GC: variants seen among roughly 807,000 people sequenced by gnomAD.
The protein encoded by GC is GC vitamin D binding protein, also known as vitamin D-binding protein.
In GC, 43 loss-of-function variants were observed where a neutral mutation model predicts 56.7. That is an observed-to-expected ratio of 0.76 (90% CI 0.59 to 0.98). GC has a LOEUF of 0.98. Among genes scored for constraint, GC ranks in the 50% least tolerant of loss-of-function variants. GC has a pLI of 0.00. For synonymous variants in GC, 216 were observed against 202.7 expected, an observed-to-expected ratio of 1.07 and a Z score of -0.56; for missense variants, 529 against 545.9, an observed-to-expected ratio of 0.97 and a Z score of 0.31.
intron 3 of GC, 47 bp from the exon 4 acceptor site, chr4:71,765,690 A>G: frequency 1.7e-6 from 2 of 1,178,294 alleles, no homozygotes; most frequent in Non-Finnish European, 2.5e-6. Context: ...GTAAATTTCC[A>G]GGCTTTTAGA....
At chr4:71,776,930 G>A (rs1742525528) in intron 1 of GC, among the ~76,000 whole-genome samples, 1 of 151,844 alleles carries the variant, frequency 6.6e-6, no homozygotes, top group African/African-American at 2.4e-5. Flanking sequence ...TATATTGGAT[G>A]TGTATCATTA....
At chr4:71,765,342 G>T (rs1373459593) in intron 4 of GC, 90 bp downstream of exon 4, 26 of 988,190 alleles carry the variant, frequency 2.6e-5, no homozygotes. Flanking sequence ...GGTTGCTGTA[G>T]AAGAGGTGTT....
chr4:71,750,896 CAAACAA>C (rs1164272296), intron 11 of GC, among the ~76,000 whole-genome samples: 4 of 4,384 alleles, frequency 9.1e-4, no homozygotes, highest in South Asian at 0.022. Context: ...AAAAAACAAA[CAAACAA>C]AAAAAAAACG....
At chr4:71,765,365 G>T (rs1349062599) in intron 4 of GC, 67 bp downstream of exon 4, 1 of 1,228,506 alleles carries the variant, frequency 8.1e-7, no homozygotes, top group African/African-American at 1.5e-5. Context: ...CACAGAGTAG[G>T]GGGTTAGATT....
chr4:71,748,936 G>A (rs1213118188), intron 11 of GC, among the ~76,000 whole-genome samples: 1 of 152,106 alleles, frequency 6.6e-6, no homozygotes, highest in Non-Finnish European at 1.5e-5. Flanking sequence ...TCAAGCAAAT[G>A]TATGACAAGG....
At chr4:71,764,011 C>T in intron 4 of GC, 75 bp from the exon 5 acceptor site, 1 of 1,160,752 alleles carries the variant, frequency 8.6e-7, no homozygotes, top group Non-Finnish European at 1.3e-6. Context: ...GAGACAGTGT[C>T]TTGCCCTGTC....
At chr4:71,792,132 G>T (rs1408390425) in intron 1 of GC, among the ~76,000 whole-genome samples, 1 of 152,180 alleles carries the variant, frequency 6.6e-6, no homozygotes, top group Non-Finnish European at 1.5e-5. Flanking sequence ...ACATATGTGT[G>T]CATGTGTCTT....
At chr4:71,784,987 CTGGTTTT>C (rs1336400510), upstream of GC, among the ~76,000 whole-genome samples, 1 of 151,638 alleles carries the variant, frequency 6.6e-6, no homozygotes, top group Non-Finnish European at 1.5e-5. Context: ...AGTTCCACTC[CTGGTTTT>C]TGCAGTAGCC....
At chr4:71,794,336 C>G (rs1743040363) in intron 1 of GC, among the ~76,000 whole-genome samples, 1 of 152,128 alleles carries the variant, frequency 6.6e-6, no homozygotes, top group African/African-American at 2.4e-5. Flanking sequence ...ATTTCAGAGT[C>G]TGTTATTGGT....
intron 1 of GC, among the ~76,000 whole-genome samples, chr4:71,797,426 C>T (rs1743132902): frequency 6.6e-6 from 1 of 152,268 alleles, no homozygotes; most frequent in African/African-American, 2.4e-5. Flanking sequence ...TCAGCTGCAG[C>T]CTCGCAGTTC....
chr4:71,803,345 A>G (rs1198303927), intron 1 of GC, among the ~76,000 whole-genome samples: 2 of 152,102 alleles, frequency 1.3e-5, no homozygotes, highest in Non-Finnish European at 1.5e-5. Flanking sequence ...TAATCCAGTT[A>G]CTTCCTTTAA....
intron 1 of GC, among the ~76,000 whole-genome samples, chr4:71,783,509 T>A (rs989426534): frequency 2.8e-4 from 43 of 151,888 alleles, no homozygotes; most frequent in African/African-American, 1.0e-3. Context: ...AAGATTCCTC[T>A]AAGGGGATCA....
intron 1 of GC, among the ~76,000 whole-genome samples, chr4:71,776,127 A>G (rs1281895750): frequency 1.3e-5 from 2 of 152,118 alleles, no homozygotes; most frequent in African/African-American, 2.4e-5. Flanking sequence ...GAACTACCAT[A>G]TGATTTAACA....
At chr4:71,751,835 C>T (rs1033262216) in intron 11 of GC, among the ~76,000 whole-genome samples, 3 of 142,418 alleles carry the variant, frequency 2.1e-5, no homozygotes, top group African/African-American at 7.4e-5. Context: ...AAAAGAAATT[C>T]GTAATAAAAA....
chr4:71,766,719 T>A (rs1467206877), intron 3 of GC, among the ~76,000 whole-genome samples: 2 of 152,162 alleles, frequency 1.3e-5, no homozygotes, highest in African/African-American at 4.8e-5. Flanking sequence ...TTCGGAGAAG[T>A]TAAAAATTAG....
At chr4:71,778,891 GTTATTA>G (rs149876631) in intron 1 of GC, among the ~76,000 whole-genome samples, 3 of 143,318 alleles carry the variant, frequency 2.1e-5, no homozygotes, top group African/African-American at 7.7e-5. Context: ...ATTGCTGTCA[GTTATTA>G]TTATTATTAT....
At chr4:71,800,476 T>C (rs1356329478) in intron 1 of GC, among the ~76,000 whole-genome samples, 2 of 152,230 alleles carry the variant, frequency 1.3e-5, no homozygotes, top group Admixed American at 6.5e-5. Context: ...TTATGCAGTC[T>C]GTCACTGATG....
intron 1 of GC, among the ~76,000 whole-genome samples, chr4:71,798,692 TA>T (rs1166960794): frequency 6.6e-6 from 1 of 152,194 alleles, no homozygotes; most frequent in African/African-American, 2.4e-5. Context: ...AGCCTTTCTT[TA>T]TTAGTGTATT....
chr4:71,791,316 T>A (rs1231041490), intron 1 of GC, among the ~76,000 whole-genome samples: 1 of 152,118 alleles, frequency 6.6e-6, no homozygotes, highest in African/African-American at 2.4e-5. Context: ...CATTATCTTC[T>A]GATAAGGAGT....
Sources: gnomAD v4.1 joint callset for allele counts (sites outside exome capture counted in the v4.1 genomes callset) on GRCh38, gnomAD v4.1.1 for gene constraint, MANE v1.5 for transcripts, NCBI Gene and HGNC (gene_info 2026-07-23, HGNC 2026-07-21) for gene names.